KCNQ1: variants seen among roughly 807,000 people sequenced by gnomAD.
KCNQ1 encodes the protein potassium voltage-gated channel subfamily Q member 1, also known as potassium voltage-gated channel subfamily KQT member 1.
A neutral mutation model predicts 72.4 loss-of-function variants in KCNQ1; 49 were observed. The ratio of observed to expected loss-of-function variants is 0.68; its 90% CI spans 0.54 to 0.86. KCNQ1 has a LOEUF of 0.86. Ranked by LOEUF, KCNQ1 falls within the 40% of genes least tolerant of loss-of-function variation. The probability of loss-of-function intolerance (pLI) is 0.00; values close to 1 mark genes in which losing one functional copy is unlikely to be tolerated. For synonymous variants in KCNQ1, 450 were observed against 412.6 expected (o/e 1.09, Z -1.10); for missense variants, 790 against 945.1 (o/e 0.84, Z 2.15).
intron 2 of KCNQ1, among the ~76,000 whole-genome samples, chr11:2,556,429 C>G (rs1037294812): frequency 6.6e-6 from 1 of 152,198 alleles, no homozygotes; most frequent in Non-Finnish European, 1.5e-5. Context: ...CCATAGCCTA[C>G]AAACCTGGCT....
chr11:2,842,477 T>C (rs1848233100), intron 15 of KCNQ1, among the ~76,000 whole-genome samples: 1 of 152,206 alleles, frequency 6.6e-6, no homozygotes, highest in Non-Finnish European at 1.5e-5. Context: ...TGCTCACCTC[T>C]GTGGCACACA....
chr11:2,675,359 C>A, intron 11 of KCNQ1: 1 of 398,376 alleles, frequency 2.5e-6, no homozygotes. Flanking sequence ...GTTTAAAACA[C>A]GTGTGTGCAT....
chr11:2,643,048 T>C (rs777692756), intron 10 of KCNQ1: 7 of 397,888 alleles, frequency 1.8e-5, no homozygotes, highest in Non-Finnish European at 3.1e-5. Context: ...TTAAAATATA[T>C]ATATATTTAA....
chr11:2,736,769 G>A (rs993589579), intron 11 of KCNQ1, among the ~76,000 whole-genome samples: 1 of 152,234 alleles, frequency 6.6e-6, no homozygotes, highest in Non-Finnish European at 1.5e-5. Context: ...TGCCCTGGTG[G>A]GTTCCTGGCT....
rs1378995555 is a variant in KCNQ1, at chr11:2,497,768, G to A, written c.387-30160G>A. On this transcript the variant is annotated intron_variant, in intron 1 of 15. Transcript: ENST00000155840. The surrounding 1 kb of genome is among the most constrained non-coding windows in gnomAD (Gnocchi z 4.5). ...GGCATTCTGGTTTTTAGAATGTTCA[G>A]CATTTTTGTGCTGGTTTTTCCTCAT... 6.6e-6 allele frequency among the ~76,000 whole-genome samples: 1 copy of A among 152,210 alleles called. No individual in the cohort carries two copies. Among genetic ancestry groups the A allele is most frequent in the East Asian group, 1.9e-4 (1 of 5,198 alleles).
Position 2,599,035 on chromosome 11 carries a change from A to G in KCNQ1, c.1393+10181A>G, listed in dbSNP as rs115741723. On this transcript the variant is annotated intron_variant, in intron 10 of 15. Transcript: ENST00000155840. This position sits in a 1 kb window ranked among gnomAD's most constrained non-coding sequence, Gnocchi z 4.7. ...GTCCTTAATGTTGTATTACTTTCCA[A>G]TATTCACACTTTAACTTTACAGATG... 4.4e-3 allele frequency among the ~76,000 whole-genome samples: 666 copies of G among 152,310 alleles called. 4 individuals are homozygous for G. The highest frequency in any genetic ancestry group is 0.014 in the African/African-American group (581 of 41,564).
rs145736911 is a variant in KCNQ1 at position 2,692,660 on chromosome 11, C to T, written c.1514+30579C>T. 3,864 of 398,686 alleles carry T rather than the reference C, an allele frequency of 9.7e-3. 44 individuals carry two copies. The highest frequency in any genetic ancestry group is 0.018 in the South Asian group (141 of 7,860). The allele number at this position is 398,686 out of a possible 1,614,324, so 24.7% of individuals were successfully genotyped here. A position where few individuals can be genotyped will look rare whatever the true frequency, so the allele number is the denominator to read the frequency against. On this transcript the variant is annotated intron_variant, in intron 11 of 15. Coordinates refer to ENST00000155840, the MANE Select transcript of KCNQ1 (RefSeq NM_000218.3). ...CTCAGCACTCCCCTCAGGGTGCAAA[C>T]GGTCCTTCAACATTAGTTAGTCTTT...
chr11:2,530,470 T>A (rs1847601530), intron 2 of KCNQ1, among the ~76,000 whole-genome samples: 1 of 152,246 alleles, frequency 6.6e-6, no homozygotes, highest in African/African-American at 2.4e-5. Context: ...AGAGCCGCGC[T>A]GCCAAACATT....
In KCNQ1 at chr11:2,450,938, G is replaced by A. The variant is rs549269877; in HGVS notation, c.386+5454G>A. Among the ~76,000 whole-genome samples, 82 of 152,286 alleles carry A rather than the reference G, an allele frequency of 5.4e-4. No individual in the cohort carries two copies. Among genetic ancestry groups the A allele is most frequent in the African/African-American group, 1.9e-3 (81 of 41,560 alleles). On this transcript the variant is annotated intron_variant, in intron 1 of 15. Transcript: ENST00000155840. The surrounding 1 kb of genome is among the most constrained non-coding windows in gnomAD (Gnocchi z 7.9). ...GGAGGGGCTTCTCTCTGGGGAGCAG[G>A]CCCTGGCTGGAGGTGGGGAAGATCC...
At chr11:2,835,382 C>T (rs938114812) in intron 15 of KCNQ1, among the ~76,000 whole-genome samples, 1 of 136,324 alleles carries the variant, frequency 7.3e-6, no homozygotes, top group Non-Finnish European at 1.6e-5. Flanking sequence ...TAGACACCTG[C>T]ATATAAACCC....
In KCNQ1 at chr11:2,828,003, C is replaced by T. The variant is rs913237316; in HGVS notation, c.1795-19764C>T. Among the ~76,000 whole-genome samples, 2 of 152,064 alleles carry T rather than the reference C, an allele frequency of 1.3e-5. No homozygotes were observed. The highest frequency in any genetic ancestry group is 4.8e-5 in the African/African-American group (2 of 41,378). ...CGGGCACATAGAGGTCTTGAAAGCT[C>T]GAATGTGGGGAGGCCAGCAACAGAG... On this transcript the variant is annotated intron_variant, in intron 15 of 15. Transcript: ENST00000155840. The surrounding 1 kb of genome is among the most constrained non-coding windows in gnomAD (Gnocchi z 5.3).
At chr11:2,530,703 A>C (rs1336711797) in intron 2 of KCNQ1, among the ~76,000 whole-genome samples, 2 of 152,304 alleles carry the variant, frequency 1.3e-5, no homozygotes, top group Non-Finnish European at 2.9e-5. Context: ...ATGTGTGTAC[A>C]TGTGTGCACA....
At chr11:2,560,533 G>T (rs1219915531) in intron 2 of KCNQ1, among the ~76,000 whole-genome samples, 1 of 77,742 alleles carries the variant, frequency 1.3e-5, no homozygotes, top group Admixed American at 1.2e-4. Flanking sequence ...TGTTCCTTCT[G>T]GGGGGGCGGG....
chr11:2,806,350 T>G (rs376315711), intron 15 of KCNQ1, among the ~76,000 whole-genome samples: 54 of 152,274 alleles, frequency 3.5e-4, no homozygotes, highest in African/African-American at 1.2e-3. Context: ...GCAAGGGGAC[T>G]TCCCTGCTGA....
In KCNQ1 at chr11:2,462,068, C is replaced by T. The variant is rs1295511119; in HGVS notation, c.386+16584C>T. The T allele has an allele frequency of 9.8e-6, 3 of 307,430 alleles. No homozygotes were observed. Among genetic ancestry groups the T allele is most frequent in the Non-Finnish European group, 1.3e-5 (2 of 153,770 alleles). The allele number at this position is 307,430 out of a possible 1,614,324, so 19.0% of individuals were successfully genotyped here. On this transcript the variant is annotated intron_variant, in intron 1 of 15. Transcript: ENST00000155840. The surrounding 1 kb of genome is among the most constrained non-coding windows in gnomAD (Gnocchi z 8.2). ...CCCAGCAGCTGTCCAGAGATGAGAC[C>T]CAGCCCCACTGTGTCTTTCTGGGAT...
At position 2,645,035 on chromosome 11, in the gene KCNQ1, C is replaced by T; in HGVS notation, c.1394-16926C>T. ...GGGAAACCAATTTTGGGCCTCCAGG[C>T]AACTTGCTCAGGTGCCAATGATGAC... is the stretch of plus-strand genomic sequence containing the variant. On this transcript the variant is annotated intron_variant, in intron 10 of 15. Transcript: ENST00000155840. This position sits in a 1 kb window ranked among gnomAD's most constrained non-coding sequence, Gnocchi z 5.8. The T allele has an allele frequency of 2.5e-6, 1 of 398,786 alleles. No homozygotes were observed. The highest frequency in any genetic ancestry group is 4.4e-6 in the Non-Finnish European group (1 of 226,216). The allele number at this position is 398,786 out of a possible 1,614,324, so 24.7% of individuals were successfully genotyped here.
chr11:2,811,703 C>T (rs1291667104), intron 15 of KCNQ1, among the ~76,000 whole-genome samples: 2 of 152,208 alleles, frequency 1.3e-5, no homozygotes, highest in Non-Finnish European at 2.9e-5. Context: ...AGACCCCTGG[C>T]TGGAGGAGGT....
At chr11:2,844,134 A>G (rs1413859399) in intron 15 of KCNQ1, among the ~76,000 whole-genome samples, 1 of 152,158 alleles carries the variant, frequency 6.6e-6, no homozygotes, top group East Asian at 1.9e-4. Context: ...TGCCAGCGAG[A>G]TGAAGGCGCC....
At chr11:2,699,165 A>G (rs776758886) in intron 11 of KCNQ1, 7 of 398,522 alleles carry the variant, frequency 1.8e-5, no homozygotes, top group East Asian at 3.6e-5. Flanking sequence ...CTGAACCACC[A>G]TGAGAACTAT....
Sources: allele counts gnomAD v4.1 joint callset (sites outside exome capture counted in the v4.1 genomes callset), GRCh38; gene constraint gnomAD v4.1.1; non-coding constraint Gnocchi (gnomAD v3.1); transcripts MANE v1.5; gene names NCBI Gene and HGNC (gene_info 2026-07-23, HGNC 2026-07-21).